The following BICC1 variants were observed in gnomAD, a reference collection of about 807,000 sequenced individuals.
BICC1 encodes the protein protein bicaudal C homolog 1.
BICC1 carries 43 observed loss-of-function variants against 111.0 expected under a neutral mutation model. The ratio of observed to expected loss-of-function variants is 0.39; its 90% CI spans 0.30 to 0.50. The LOEUF is 0.50. BICC1 is among the 20% of genes least tolerant of loss of function. The pLI is 0.88. For missense variants in BICC1, 1,091 were observed against 1,203.2 expected (o/e 0.91, Z 1.38); for synonymous variants, 467 against 434.4 (o/e 1.07, Z -0.93).
intron 2 of BICC1, among the ~76,000 whole-genome samples, chr10:58,661,191 G>A (rs777762103): frequency 2.1e-5 from 3 of 145,224 alleles, no homozygotes; most frequent in Non-Finnish European, 4.5e-5. Context: ...TTTTTTAAAG[G>A]GCTCGCATAT....
chr10:58,766,370 T>G (rs1050113070), intron 3 of BICC1, among the ~76,000 whole-genome samples: 1 of 152,134 alleles, frequency 6.6e-6, no homozygotes, highest in African/African-American at 2.4e-5. Flanking sequence ...ATGTGTGTAT[T>G]TTTGTTTTGT....
chr10:58,515,219 G>A (rs894377387), intron 1 of BICC1, among the ~76,000 whole-genome samples: 3 of 152,206 alleles, frequency 2.0e-5, no homozygotes, highest in African/African-American at 7.2e-5. Flanking sequence ...TTCTTTTACA[G>A]AAAGTCTTAA....
At chr10:58,689,687 C>T (rs1167755978) in intron 2 of BICC1, among the ~76,000 whole-genome samples, 2 of 152,198 alleles carry the variant, frequency 1.3e-5, no homozygotes, top group South Asian at 2.1e-4. Flanking sequence ...CAGTTTTGTA[C>T]AAGCAAAGCG....
intron 2 of BICC1, among the ~76,000 whole-genome samples, chr10:58,640,511 A>G (rs1838091566): frequency 1.3e-5 from 2 of 152,312 alleles, no homozygotes; most frequent in Non-Finnish European, 2.9e-5. Flanking sequence ...GTGACCTCTT[A>G]AATCTCTGAG....
At chr10:58,806,675 A>G in intron 16 of BICC1, 52 bp downstream of exon 16, 10 of 1,463,452 alleles carry the variant, frequency 6.8e-6, no homozygotes, top group Non-Finnish European at 8.6e-6. Flanking sequence ...TACACTCATA[A>G]ATGTTTTTTG....
chr10:58,816,043 T>C (rs1411934046), intron 18 of BICC1, among the ~76,000 whole-genome samples: 2 of 152,198 alleles, frequency 1.3e-5, no homozygotes, highest in African/African-American at 4.8e-5. Context: ...AGGTCACCAA[T>C]GTTTCCATTT....
chr10:58,789,020 G>A (rs560651440), intron 6 of BICC1, among the ~76,000 whole-genome samples: 2 of 152,132 alleles, frequency 1.3e-5, no homozygotes, highest in East Asian at 1.9e-4. Flanking sequence ...GAGCCCAGGA[G>A]GTGGAGGCTG....
chr10:58,562,766 T>C (rs1456695116), intron 1 of BICC1, among the ~76,000 whole-genome samples: 4 of 151,268 alleles, frequency 2.6e-5, no homozygotes, highest in Non-Finnish European at 5.9e-5. Context: ...TTTTTTTCTG[T>C]TTATGTGTCT....
chr10:58,767,179 T>C (rs1842480859), intron 3 of BICC1, among the ~76,000 whole-genome samples: 1 of 152,182 alleles, frequency 6.6e-6, no homozygotes, highest in South Asian at 2.1e-4. Flanking sequence ...GTACAAGCCT[T>C]TACAGGTGGT....
At chr10:58,564,739 A>G (rs1347490933) in intron 1 of BICC1, among the ~76,000 whole-genome samples, 1 of 152,336 alleles carries the variant, frequency 6.6e-6, no homozygotes, top group African/African-American at 2.4e-5. Flanking sequence ...CCCATTTGAT[A>G]TGAATTTGGT....
chr10:58,551,488 G>T (rs751818265), intron 1 of BICC1, among the ~76,000 whole-genome samples: 11 of 152,126 alleles, frequency 7.2e-5, no homozygotes, highest in Non-Finnish European at 1.6e-4. Context: ...ATTTTTGTGT[G>T]TGTGGTGAAC....
At chr10:58,575,052 T>C (rs1052347390) in intron 1 of BICC1, among the ~76,000 whole-genome samples, 3 of 152,022 alleles carry the variant, frequency 2.0e-5, no homozygotes, top group South Asian at 2.1e-4. Context: ...CTGGGATACA[T>C]GTGCAGAACG....
At chr10:58,677,636 C>T (rs1332369944) in intron 2 of BICC1, among the ~76,000 whole-genome samples, 2 of 152,294 alleles carry the variant, frequency 1.3e-5, no homozygotes, top group East Asian at 3.9e-4. Flanking sequence ...AGGCTGTTCT[C>T]CAGGAGAACT....
intron 18 of BICC1, among the ~76,000 whole-genome samples, 160 bp from the exon 19 acceptor site, chr10:58,817,402 G>A (rs1257668929): frequency 6.6e-6 from 1 of 152,128 alleles, no homozygotes; most frequent in Non-Finnish European, 1.5e-5. Context: ...TTCCTTAATG[G>A]AAAGCCAATA....
intron 2 of BICC1, among the ~76,000 whole-genome samples, chr10:58,662,237 A>C (rs554811598): frequency 5.4e-4 from 82 of 152,332 alleles, no homozygotes; most frequent in African/African-American, 1.9e-3. Flanking sequence ...GAATATAAAA[A>C]TCCCAATGGC....
At chr10:58,778,885 T>G (rs1842814911) in intron 3 of BICC1, among the ~76,000 whole-genome samples, 2 of 152,312 alleles carry the variant, frequency 1.3e-5, no homozygotes, top group Admixed American at 1.3e-4. Flanking sequence ...CAAAGAACAT[T>G]CCTTGAAATA....
At position 58,806,606 on chromosome 10, in the gene BICC1, A is replaced by G. The variant is rs1843716279; in HGVS notation, c.2204A>G (p.Lys735Arg). ...CAGGCATTTGACTATGAACAGAAGA[A>G]GCTATTAGCCACCAAAGGTATGTAA... ...NMQAFDYEQK[K>R]LLATKAMLKK... The change falls in exon 16 of 21, where the codon AAG (lysine) becomes AGG (arginine). Residue 735 changes from lysine to arginine, a missense_variant. Around this residue, in one of 3 missense-constraint regions of BICC1, gnomAD observed 17 missense variants for 46.2 expected, o/e 0.37. Transcript: ENST00000373886. The G allele has an allele frequency of 1.2e-6, 2 of 1,612,540 alleles. No homozygotes were observed. The highest frequency in any genetic ancestry group is 4.5e-5 in the East Asian group (2 of 44,790).
At chr10:58,787,178 A>G (rs1843034460) in intron 5 of BICC1, 97 bp downstream of exon 5, 1 of 1,119,142 alleles carries the variant, frequency 8.9e-7, no homozygotes, top group Non-Finnish European at 1.2e-6. Flanking sequence ...GTGAGACAAA[A>G]AAAAAATCAC....
chr10:58,674,624 A>G (rs1265720049), intron 2 of BICC1, among the ~76,000 whole-genome samples: 1 of 152,152 alleles, frequency 6.6e-6, no homozygotes, highest in Non-Finnish European at 1.5e-5. Context: ...ACCAATTCAA[A>G]TAGAGTAGTA....
Sources: gnomAD v4.1 joint callset for allele counts (sites outside exome capture counted in the v4.1 genomes callset) on GRCh38, gnomAD v4.1.1 for gene constraint, gnomAD v4.1.1 regional missense constraint, MANE v1.5 for transcripts, NCBI Gene and HGNC (gene_info 2026-07-23, HGNC 2026-07-21) for gene names.